ARHGAP24: variants seen among roughly 807,000 people sequenced by gnomAD.
ARHGAP24 encodes Rho GTPase activating protein 24.
In ARHGAP24, 50 loss-of-function variants were observed where a neutral mutation model predicts 76.4. The ratio of observed to expected loss-of-function variants is 0.65; its 90% CI spans 0.52 to 0.83. The LOEUF (loss-of-function observed/expected upper bound fraction) is 0.83. ARHGAP24 is among the 40% of genes least tolerant of loss of function. ARHGAP24 has a pLI of 0.00. For missense variants in ARHGAP24, 930 were observed against 914.2 expected (o/e 1.02, Z -0.22); for synonymous variants, 345 against 323.3 (o/e 1.07, Z -0.72).
chr4:85,896,391 A>C (rs1327829982), intron 3 of ARHGAP24, among the ~76,000 whole-genome samples: 1 of 152,198 alleles, frequency 6.6e-6, no homozygotes, highest in Admixed American at 6.5e-5. Flanking sequence ...TATCCTACCA[A>C]AAAAACAATA....
intron 3 of ARHGAP24, among the ~76,000 whole-genome samples, chr4:85,885,442 G>T (rs1733512125): frequency 6.6e-6 from 1 of 152,060 alleles, no homozygotes. Context: ...CCTATTAGCT[G>T]TTACCCAGTT....
chr4:85,492,297 C>T (rs976981198), intron 1 of ARHGAP24, among the ~76,000 whole-genome samples: 15 of 152,012 alleles, frequency 9.9e-5, no homozygotes, highest in African/African-American at 3.6e-4. Flanking sequence ...CTATCCTGGT[C>T]GATATCTTCG....
At chr4:85,491,060 T>C (rs1457123484) in intron 1 of ARHGAP24, among the ~76,000 whole-genome samples, 1 of 152,204 alleles carries the variant, frequency 6.6e-6, no homozygotes, top group African/African-American at 2.4e-5. Context: ...CCACCTGCAA[T>C]TGGTATTTAT....
At chr4:85,658,457 G>T (rs1461879113) in intron 2 of ARHGAP24, among the ~76,000 whole-genome samples, 2 of 151,998 alleles carry the variant, frequency 1.3e-5, no homozygotes, top group Non-Finnish European at 2.9e-5. Flanking sequence ...GTTGTTTGTG[G>T]TACAAAGTAG....
At chr4:85,753,732 G>T (rs1726359016) in intron 3 of ARHGAP24, among the ~76,000 whole-genome samples, 3 of 152,066 alleles carry the variant, frequency 2.0e-5, no homozygotes, top group Admixed American at 1.3e-4. Context: ...GTTTTTTCTA[G>T]AATTGTGCTT....
intron 2 of ARHGAP24, among the ~76,000 whole-genome samples, chr4:85,602,904 G>A (rs2109989391): frequency 6.6e-6 from 1 of 152,258 alleles, no homozygotes; most frequent in East Asian, 1.9e-4. Flanking sequence ...GACACTGAGA[G>A]ATTTATTTTT....
At chr4:85,963,567 C>T (rs572942694) in intron 5 of ARHGAP24, among the ~76,000 whole-genome samples, 3 of 152,114 alleles carry the variant, frequency 2.0e-5, no homozygotes, top group South Asian at 2.1e-4. Context: ...ATAAGTGTCT[C>T]GATCCTGCTA....
chr4:85,848,428 G>A (rs1490408316), intron 3 of ARHGAP24, among the ~76,000 whole-genome samples: 1 of 152,160 alleles, frequency 6.6e-6, no homozygotes, highest in African/African-American at 2.4e-5. Context: ...GTGAGAACAT[G>A]CAGTGTTTGG....
intron 1 of ARHGAP24, among the ~76,000 whole-genome samples, chr4:85,511,676 G>A (rs1347436144): frequency 6.6e-6 from 1 of 152,014 alleles, no homozygotes; most frequent in Non-Finnish European, 1.5e-5. Flanking sequence ...CATTGGTCAG[G>A]TTGGTCTCAG....
chr4:85,732,174 G>A (rs1027394546), intron 3 of ARHGAP24, among the ~76,000 whole-genome samples: 11 of 152,218 alleles, frequency 7.2e-5, no homozygotes, highest in Admixed American at 5.2e-4. Context: ...ATTACAAATA[G>A]AGTTTGTCCA....
chr4:85,652,286 G>A (rs773009255), intron 2 of ARHGAP24, among the ~76,000 whole-genome samples: 65 of 152,266 alleles, frequency 4.3e-4, no homozygotes, highest in Middle Eastern at 6.8e-3. Context: ...TAAAGAATAT[G>A]TTAGTGATTA....
chr4:85,852,508 A>T (rs1731294774), intron 3 of ARHGAP24, among the ~76,000 whole-genome samples: 1 of 152,142 alleles, frequency 6.6e-6, no homozygotes, highest in Non-Finnish European at 1.5e-5. Context: ...AGGAGCTGTG[A>T]TCCTTTGGAG....
At position 85,937,294 on chromosome 4, in the gene ARHGAP24, G is replaced by A. The variant is rs1025128120; in HGVS notation, c.392-4772G>A. Among the ~76,000 whole-genome samples the A allele has an allele frequency of 9.2e-5, 14 of 152,144 alleles. 1 individual carries two copies. The highest frequency in any genetic ancestry group is 1.5e-5 in the Non-Finnish European group (1 of 68,024). On this transcript the variant is annotated intron_variant, in intron 4 of 9. Coordinates refer to ENST00000395184, the MANE Select transcript of ARHGAP24 (RefSeq NM_001025616.3). ...TCTCAGATGGCACTTCAATGTTTTG[G>A]GGGGATAGCTTGTACTGATAACCAA...
intron 3 of ARHGAP24, among the ~76,000 whole-genome samples, chr4:85,834,044 GTATT>G (rs1442428747): frequency 6.6e-6 from 1 of 152,130 alleles, no homozygotes; most frequent in African/African-American, 2.4e-5. Context: ...ATGTATGTAT[GTATT>G]TGTTTATAGT....
intron 4 of ARHGAP24, among the ~76,000 whole-genome samples, chr4:85,937,181 A>G (rs1293083689): frequency 6.6e-6 from 1 of 152,204 alleles, no homozygotes; most frequent in African/African-American, 2.4e-5. Context: ...AATACTGAAT[A>G]TCTAATCTAA....
chr4:85,726,693 C>T (rs1203904776), intron 3 of ARHGAP24, among the ~76,000 whole-genome samples: 5 of 152,052 alleles, frequency 3.3e-5, no homozygotes, highest in Non-Finnish European at 7.4e-5. Context: ...CTACAGTATC[C>T]GTTATAATGT....
At chr4:85,537,755 T>G (rs1036051420) in intron 1 of ARHGAP24, among the ~76,000 whole-genome samples, 1 of 152,164 alleles carries the variant, frequency 6.6e-6, no homozygotes, top group African/African-American at 2.4e-5. Context: ...ATATTTTAAT[T>G]ATTGCAGATT....
chr4:85,761,788 T>C (rs576076633), intron 3 of ARHGAP24, among the ~76,000 whole-genome samples: 1 of 152,296 alleles, frequency 6.6e-6, no homozygotes, highest in African/African-American at 2.4e-5. Flanking sequence ...GCTGAGGTGA[T>C]GTCTTTTTAC....
At position 85,859,296 on chromosome 4, in the gene ARHGAP24, A is replaced by G. The variant is rs192532376; in HGVS notation, c.269-64352A>G. 1.4e-3 allele frequency among the ~76,000 whole-genome samples: 218 copies of G among 152,062 alleles called. 2 individuals carry two copies. The highest frequency in any genetic ancestry group is 5.6e-3 in the Admixed American group (85 of 15,246). On this transcript the variant is annotated intron_variant, in intron 3 of 9. Coordinates refer to ENST00000395184, the MANE Select transcript of ARHGAP24 (RefSeq NM_001025616.3). ...TGAGAACAGCTTGGTTTCATTCGCT[A>G]CAGAATCAGTTTCTCAGTCATAAGC...
Sources: gnomAD v4.1 joint callset for allele counts (sites outside exome capture counted in the v4.1 genomes callset) on GRCh38, gnomAD v4.1.1 for gene constraint, MANE v1.5 for transcripts, NCBI Gene and HGNC (gene_info 2026-07-23, HGNC 2026-07-21) for gene names.